Variants in SAMSN1 observed in about 807,000 individuals in gnomAD.
The protein encoded by SAMSN1 is SAM domain, SH3 domain and nuclear localization signals 1.
A neutral mutation model predicts 42.0 loss-of-function variants in SAMSN1; 31 were observed. The observed-to-expected ratio is 0.74, with a 90% confidence interval of 0.55 to 1.00. The LOEUF (loss-of-function observed/expected upper bound fraction) is 1.00. Ranked by LOEUF, SAMSN1 falls within the 50% of genes least tolerant of loss-of-function variation. The pLI, the probability that SAMSN1 is intolerant of heterozygous loss-of-function variation, is 0.00. For missense variants in SAMSN1, 464 were observed against 439.4 expected, an observed-to-expected ratio of 1.06 and a Z score of -0.50; for synonymous variants, 178 against 151.9, an observed-to-expected ratio of 1.17 and a Z score of -1.26.
intron 7 of SAMSN1, among the ~76,000 whole-genome samples, chr21:14,590,581 G>A (rs1453942519): frequency 3.1e-5 from 3 of 96,530 alleles, no homozygotes; most frequent in African/African-American, 4.8e-5. Context: ...TCACATGTGG[G>A]AAGAAATTCT....
At chr21:14,487,144 T>C (rs1319586816) in intron 7 of SAMSN1, among the ~76,000 whole-genome samples, 1 of 152,112 alleles carries the variant, frequency 6.6e-6, no homozygotes, top group Non-Finnish European at 1.5e-5. Flanking sequence ...TAGCTCCACG[T>C]TGAAAGAGCC....
At chr21:14,633,206 C>G (rs552957082) in intron 2 of SAMSN1, among the ~76,000 whole-genome samples, 1 of 152,216 alleles carries the variant, frequency 6.6e-6, no homozygotes, top group African/African-American at 2.4e-5. Context: ...TACACACACA[C>G]ACATACACAC....
chr21:14,552,305 G>A (rs1181477535), intron 2 of SAMSN1, among the ~76,000 whole-genome samples: 1 of 152,112 alleles, frequency 6.6e-6, no homozygotes, highest in African/African-American at 2.4e-5. Context: ...CACACTTTAT[G>A]AAATTCCTTT....
upstream of SAMSN1, among the ~76,000 whole-genome samples, chr21:14,549,207 G>A (rs1243425932): frequency 6.6e-6 from 1 of 152,238 alleles, no homozygotes; most frequent in East Asian, 1.9e-4. Context: ...AGCATAGATA[G>A]AAGGAAATTA....
Position 14,521,134 on chromosome 21 carries a change from G to A in SAMSN1, c.129+16C>T. ...GTGTTTGCATAACATTCATAAAAAT[G>A]GAATAAACTACGAACCTCAGTTGAA... On this transcript the variant is annotated intron_variant, in intron 2 of 7. Coordinates refer to ENST00000400566, the MANE Select transcript of SAMSN1 (RefSeq NM_022136.5). 1 of 1,516,822 alleles carries A rather than the reference G, an allele frequency of 6.6e-7. No individual in the cohort carries two copies. Among genetic ancestry groups the A allele is most frequent in the Non-Finnish European group, 9.1e-7 (1 of 1,103,010 alleles). 94.0% of individuals were successfully genotyped at this position (1,516,822 alleles called of 1,614,324 possible).
At chr21:14,603,552 A>T (rs988806519) in intron 5 of SAMSN1, among the ~76,000 whole-genome samples, 9 of 152,228 alleles carry the variant, frequency 5.9e-5, no homozygotes, top group African/African-American at 2.2e-4. Flanking sequence ...CTGGCCTATT[A>T]TGCAGCATAA....
At chr21:14,585,559 T>C (rs1981892369), upstream of SAMSN1, 1 of 152,230 alleles carries the variant, frequency 6.6e-6, no homozygotes, top group South Asian at 2.1e-4. Flanking sequence ...TCTCATGTCC[T>C]AGAGGTTTTA....
chr21:14,628,334 C>T (rs1004038985), intron 2 of SAMSN1, among the ~76,000 whole-genome samples: 2 of 152,056 alleles, frequency 1.3e-5, no homozygotes, highest in Non-Finnish European at 2.9e-5. Flanking sequence ...GTGCTACTTA[C>T]TCTGATCTGA....
intron 2 of SAMSN1, among the ~76,000 whole-genome samples, chr21:14,618,128 G>T (rs1348633630): frequency 6.6e-6 from 1 of 152,086 alleles, no homozygotes; most frequent in Admixed American, 6.5e-5. Context: ...ACTTTGTTCT[G>T]GTTTTACTGG....
At chr21:14,570,532 C>T (rs1034069431) in intron 2 of SAMSN1, among the ~76,000 whole-genome samples, 4 of 152,190 alleles carry the variant, frequency 2.6e-5, no homozygotes, top group African/African-American at 9.7e-5. Context: ...CATTGTATCA[C>T]TTCTCTGCTG....
chr21:14,510,766 CA>C, intron 4 of SAMSN1, among the ~76,000 whole-genome samples: 1 of 152,300 alleles, frequency 6.6e-6, no homozygotes, highest in East Asian at 1.9e-4. Flanking sequence ...GGTCACTTGC[CA>C]AAAGCATCAC....
At chr21:14,605,163 T>C (rs773658119) in intron 5 of SAMSN1, among the ~76,000 whole-genome samples, 1 of 152,250 alleles carries the variant, frequency 6.6e-6, no homozygotes, top group Non-Finnish European at 1.5e-5. Flanking sequence ...CTAGCATAGA[T>C]ACTTCTGACC....
At chr21:14,603,153 T>C (rs952330294) in intron 5 of SAMSN1, among the ~76,000 whole-genome samples, 2 of 152,016 alleles carry the variant, frequency 1.3e-5, no homozygotes, top group African/African-American at 4.8e-5. Context: ...CAGCTTGGTT[T>C]TTAGTTTCTG....
Position 14,631,621 on chromosome 21 carries a change from T to A in SAMSN1, c.156+11381A>T, listed in dbSNP as rs530053710. Among the ~76,000 whole-genome samples, 11 of 152,238 alleles carry A rather than the reference T, an allele frequency of 7.2e-5. No individual in the cohort carries two copies. In the South Asian group the frequency reaches 1.9e-3, roughly 26 times the overall value. On this transcript the variant is annotated intron_variant, in intron 2 of 15. Transcript: ENST00000647101. Reference sequence around the variant, plus strand: ...ACTTCGTGATCTGCCCACCTCCACCTCCCAAAGTGCTGGGATTACAGGCGT... The same window carrying A: ...ACTTCGTGATCTGCCCACCTCCACCACCCAAAGTGCTGGGATTACAGGCGT...
intron 1 of SAMSN1, among the ~76,000 whole-genome samples, chr21:14,649,691 ACCCAGGAGGCGGACATTGCAGTGAGCC>A: frequency 6.6e-6 from 1 of 151,608 alleles, no homozygotes; most frequent in Non-Finnish European, 1.5e-5. Flanking sequence ...AATCTCTTGA[ACCCAGGAGGCGGACATTGCAGTGAGCC>A]AAGATCATAC....
intron 5 of SAMSN1, among the ~76,000 whole-genome samples, chr21:14,603,186 C>T (rs916114307): frequency 1.3e-5 from 2 of 152,072 alleles, no homozygotes; most frequent in African/African-American, 4.8e-5. Flanking sequence ...AAAATATTGC[C>T]TCCCCTCTTA....
chr21:14,592,884 A>G (rs1209497831), intron 7 of SAMSN1, among the ~76,000 whole-genome samples: 1 of 152,140 alleles, frequency 6.6e-6, no homozygotes, highest in African/African-American at 2.4e-5. Flanking sequence ...CTTTATTTTC[A>G]TCTGAAAGTC....
intron 2 of SAMSN1, among the ~76,000 whole-genome samples, chr21:14,556,809 T>A (rs1980775999): frequency 6.6e-6 from 1 of 152,216 alleles, no homozygotes; most frequent in African/African-American, 2.4e-5. Context: ...TACCTGCAAC[T>A]CAATTCTATT....
intron 4 of SAMSN1, among the ~76,000 whole-genome samples, chr21:14,512,154 G>T (rs2822710): frequency 0.2 from 30,824 of 151,968 alleles, 3,784 homozygotes; most frequent in African/African-American, 0.35. Context: ...CAACAAAGGT[G>T]TTTATTTTAA....
Sources: gnomAD v4.1 joint callset for allele counts (sites outside exome capture counted in the v4.1 genomes callset) on GRCh38, gnomAD v4.1.1 for gene constraint, MANE v1.5 for transcripts, NCBI Gene and HGNC (gene_info 2026-07-23, HGNC 2026-07-21) for gene names.